The following NTN1 variants were observed in gnomAD, a reference collection of about 807,000 sequenced individuals.
The protein encoded by NTN1 is netrin-1.
NTN1 carries 11 observed loss-of-function variants against 54.2 expected under a neutral mutation model. The observed-to-expected ratio is 0.20, with a 90% CI of 0.13 to 0.34. The LOEUF (loss-of-function observed/expected upper bound fraction) is 0.34. Ranked by LOEUF, NTN1 falls within the 10% of genes least tolerant of loss-of-function variation. The pLI is 1.00. For missense variants in NTN1, 740 were observed against 893.1 expected, an observed-to-expected ratio of 0.83 and a Z score of 2.18; for synonymous variants, 371 against 382.0, an observed-to-expected ratio of 0.97 and a Z score of 0.33.
chr17:9,056,990 T>C (rs1438066155), intron 2 of NTN1, among the ~76,000 whole-genome samples: 1 of 152,040 alleles, frequency 6.6e-6, no homozygotes, highest in Non-Finnish European at 1.5e-5. Flanking sequence ...CCTGTGATGT[T>C]ATCAGGGCAA....
At chr17:9,162,031 G>A (rs542884084) in intron 2 of NTN1, among the ~76,000 whole-genome samples, 2 of 152,264 alleles carry the variant, frequency 1.3e-5, no homozygotes, top group East Asian at 3.9e-4. Flanking sequence ...GCAGGGAAAG[G>A]GAGCTGAGTC....
At chr17:9,032,766 G>A (rs533865182) in intron 2 of NTN1, among the ~76,000 whole-genome samples, 5 of 152,202 alleles carry the variant, frequency 3.3e-5, no homozygotes, top group South Asian at 2.1e-4. Flanking sequence ...TGGCCAGCTC[G>A]TTTTCCTCTC....
the NTN1 span, among the ~76,000 whole-genome samples, chr17:9,016,079 A>G: frequency 6.6e-6 from 1 of 152,176 alleles, no homozygotes; most frequent in East Asian, 1.9e-4. Flanking sequence ...ATCTAAAAAA[A>G]AAAGCAAAAA....
intron 5 of NTN1, among the ~76,000 whole-genome samples, chr17:9,209,705 G>A (rs1189797392): frequency 2.0e-5 from 3 of 152,212 alleles, no homozygotes; most frequent in Admixed American, 2.0e-4. Context: ...GAGGACCCCA[G>A]CTTGGTGCAG....
chr17:9,097,003 A>G (rs1214052111), intron 2 of NTN1, among the ~76,000 whole-genome samples: 1 of 152,028 alleles, frequency 6.6e-6, no homozygotes, highest in East Asian at 1.9e-4. Flanking sequence ...TCCAAGTTTT[A>G]TTTTTCTCAC....
chr17:9,086,380 G>T (rs150248198), intron 2 of NTN1, among the ~76,000 whole-genome samples: 2 of 152,160 alleles, frequency 1.3e-5, no homozygotes, highest in Non-Finnish European at 2.9e-5. Flanking sequence ...GAGATCATTC[G>T]GTGGGTATTT....
At chr17:9,132,804 G>A (rs373422467) in intron 2 of NTN1, among the ~76,000 whole-genome samples, 57 of 152,240 alleles carry the variant, frequency 3.7e-4, no homozygotes, top group African/African-American at 1.3e-3. Context: ...AACCCAGGAG[G>A]TGGAGATTGT....
At position 9,165,465 on chromosome 17, in the gene NTN1, T is replaced by G. The variant is rs529074661; in HGVS notation, c.1207+2464T>G. ...AAATAAATGAGGATGTGTTCTTGTT[T>G]TACGAGTTACAACATTGTGGCCAGC... On this transcript the variant is annotated intron_variant, in intron 3 of 6. Transcript: ENST00000173229. The surrounding 1 kb of genome is among the most constrained non-coding windows in gnomAD (Gnocchi z 4.5). 3.3e-5 allele frequency among the ~76,000 whole-genome samples: 5 copies of G among 152,348 alleles called. No homozygotes were observed. Among genetic ancestry groups the G allele is most frequent in the Non-Finnish European group, 4.4e-5 (3 of 68,030 alleles).
chr17:9,071,392 G>A (rs963695030), intron 2 of NTN1, among the ~76,000 whole-genome samples: 1 of 151,702 alleles, frequency 6.6e-6, no homozygotes, highest in Non-Finnish European at 1.5e-5. Flanking sequence ...CAATGATATC[G>A]TTTCACATTC....
At chr17:9,137,413 TG>T (rs1258645697) in intron 2 of NTN1, among the ~76,000 whole-genome samples, 1 of 152,084 alleles carries the variant, frequency 6.6e-6, no homozygotes, top group Non-Finnish European at 1.5e-5. Flanking sequence ...GGACACTCAG[TG>T]AAGATTGTGG....
At chr17:9,227,229 C>CAA in intron 6 of NTN1, among the ~76,000 whole-genome samples, 3 of 6,918 alleles carry the variant, frequency 4.3e-4, no homozygotes, top group African/African-American at 2.6e-3. Flanking sequence ...ACCATCACAT[C>CAA]ACATACACCA....
chr17:9,094,988 C>CAAAAA (rs71135941), intron 2 of NTN1, among the ~76,000 whole-genome samples: 2 of 99,914 alleles, frequency 2.0e-5, no homozygotes, highest in African/African-American at 3.7e-5. Flanking sequence ...GACTCCGTCT[C>CAAAAA]AAAAAAAAAA....
At chr17:9,201,672 A>G (rs111400776) in intron 5 of NTN1, among the ~76,000 whole-genome samples, 3 of 152,262 alleles carry the variant, frequency 2.0e-5, no homozygotes, top group Non-Finnish European at 2.9e-5. Context: ...TAAACTTCCT[A>G]GCAACGGATC....
At chr17:9,233,094 C>G (rs541507774) in intron 6 of NTN1, among the ~76,000 whole-genome samples, 2 of 152,130 alleles carry the variant, frequency 1.3e-5, no homozygotes, top group East Asian at 3.9e-4. Flanking sequence ...AGGCTGACCA[C>G]CTCAGCCTCC....
intron 2 of NTN1, among the ~76,000 whole-genome samples, chr17:9,159,697 A>G (rs899310436): frequency 6.6e-6 from 1 of 152,164 alleles, no homozygotes; most frequent in African/African-American, 2.4e-5. Flanking sequence ...GCTACTCGGG[A>G]GGCTGAGGCA....
At chr17:9,225,580 GC>G (rs930363402) in intron 6 of NTN1, among the ~76,000 whole-genome samples, 4 of 152,204 alleles carry the variant, frequency 2.6e-5, no homozygotes, top group Admixed American at 6.5e-5. Flanking sequence ...TGGGCCCCTG[GC>G]CCCCCTGAGA....
At chr17:9,207,932 G>C (rs1333040814) in intron 5 of NTN1, among the ~76,000 whole-genome samples, 1 of 152,208 alleles carries the variant, frequency 6.6e-6, no homozygotes, top group Non-Finnish European at 1.5e-5. Context: ...AGTTTGGCAG[G>C]TTTAAAAGAT....
chr17:9,074,936 C>A (rs1048892309), intron 2 of NTN1, among the ~76,000 whole-genome samples: 1 of 152,238 alleles, frequency 6.6e-6, no homozygotes, highest in African/African-American at 2.4e-5. Flanking sequence ...CGTTTCCCAA[C>A]ACACACGGGT....
chr17:9,207,557 C>G (rs772274525), intron 5 of NTN1, among the ~76,000 whole-genome samples: 2 of 152,174 alleles, frequency 1.3e-5, no homozygotes, highest in African/African-American at 4.8e-5. Context: ...GGACACACAG[C>G]TTTGTAAGTC....
Sources: gnomAD v4.1 joint callset for allele counts (sites outside exome capture counted in the v4.1 genomes callset) on GRCh38, gnomAD v4.1.1 for gene constraint, Gnocchi (gnomAD v3.1) non-coding constraint, MANE v1.5 for transcripts, NCBI Gene and HGNC (gene_info 2026-07-23, HGNC 2026-07-21) for gene names.